SEMA3A: variants seen among roughly 807,000 people sequenced by gnomAD.
SEMA3A encodes semaphorin-3A.
A neutral mutation model predicts 97.9 loss-of-function variants in SEMA3A; 29 were observed. The observed-to-expected ratio is 0.30, with a 90% confidence interval of 0.22 to 0.40. The LOEUF is 0.40. Ranked by LOEUF, SEMA3A falls within the 10% of genes least tolerant of loss-of-function variation. The pLI is 1.00. For synonymous variants in SEMA3A, 321 were observed against 323.7 expected (o/e 0.99, Z 0.09); for missense variants, 763 against 951.3 (o/e 0.80, Z 2.60).
intron 3 of SEMA3A, among the ~76,000 whole-genome samples, chr7:84,283,615 G>A (rs1454926354): frequency 6.6e-6 from 1 of 151,564 alleles, no homozygotes; most frequent in Non-Finnish European, 1.5e-5. Context: ...TAGAAACAAA[G>A]TATCAAACTA....
chr7:84,232,010 G>GTA (rs200458302), intron 3 of SEMA3A, among the ~76,000 whole-genome samples: 2,099 of 151,414 alleles, frequency 0.014, 59 homozygotes, highest in East Asian at 0.12. Flanking sequence ...GTGTGTGTGT[G>GTA]TATATGTAAA....
chr7:84,206,540 T>C (rs1000147453), intron 3 of SEMA3A, among the ~76,000 whole-genome samples: 17 of 152,118 alleles, frequency 1.1e-4, no homozygotes, highest in African/African-American at 4.1e-4. Context: ...GCCAGGATGG[T>C]TGCGATCTCC....
At chr7:84,274,510 G>A (rs1449355838) in intron 3 of SEMA3A, among the ~76,000 whole-genome samples, 1 of 152,076 alleles carries the variant, frequency 6.6e-6, no homozygotes, top group Non-Finnish European at 1.5e-5. Context: ...TTAAGCATGG[G>A]CTAAGAGTGA....
intron 2 of SEMA3A, among the ~76,000 whole-genome samples, chr7:84,333,921 G>A (rs1014234942): frequency 5.3e-5 from 8 of 151,990 alleles, no homozygotes; most frequent in Non-Finnish European, 7.4e-5. Context: ...AAGAGATGTA[G>A]TTTTCACTTT....
Position 84,442,760 on chromosome 7 carries a change from C to T in SEMA3A, c.-246+49700G>A, listed in dbSNP as rs543449233. Among the ~76,000 whole-genome samples the T allele has an allele frequency of 1.3e-4, 20 of 151,738 alleles. No individual in the cohort carries two copies. The East Asian group carries it at 1.7e-3, about 13-fold the overall frequency. The stretch of plus-strand genomic sequence containing the variant: ...TTTGGATCCAAAGATTAAAATGGGT[C>T]GAAGAGAAAGATTATAAAAGGATAT... On this transcript the variant is annotated intron_variant, in intron 1 of 3. Coordinates refer to the SEMA3A transcript ENST00000424555.
chr7:84,326,659 G>A (rs1801781685), intron 2 of SEMA3A, among the ~76,000 whole-genome samples: 1 of 151,874 alleles, frequency 6.6e-6, no homozygotes, highest in African/African-American at 2.4e-5. Context: ...GGCTGTTACA[G>A]GCACAATATC....
At chr7:84,118,914 GT>G (rs58942593) in intron 3 of SEMA3A, among the ~76,000 whole-genome samples, 110,063 of 151,888 alleles carry the variant, frequency 0.72, 40,338 homozygotes, top group East Asian at 0.91. Flanking sequence ...CACACAGTTG[GT>G]CTCTGGTAAA....
chr7:84,011,445 T>A (rs1790868901), intron 7 of SEMA3A, 148 bp from the exon 8 acceptor site: 1 of 625,610 alleles, frequency 1.6e-6, no homozygotes, highest in South Asian at 2.1e-5. Flanking sequence ...CAGATATAGG[T>A]AACTATCACT....
chr7:84,094,565 C>T (rs994949383), intron 4 of SEMA3A, among the ~76,000 whole-genome samples: 13 of 152,048 alleles, frequency 8.5e-5, no homozygotes, highest in African/African-American at 3.1e-4. Context: ...TGCATGTCAT[C>T]TGCTAGATAT....
intron 1 of SEMA3A, among the ~76,000 whole-genome samples, chr7:84,389,121 C>CT (rs1803476765): frequency 6.6e-6 from 1 of 151,908 alleles, no homozygotes; most frequent in African/African-American, 2.4e-5. Context: ...TAGGAGAGTT[C>CT]TTTGCAAGGA....
intron 4 of SEMA3A, among the ~76,000 whole-genome samples, chr7:84,084,282 C>T (rs537748970): frequency 1.3e-5 from 2 of 152,054 alleles, no homozygotes; most frequent in East Asian, 3.9e-4. Context: ...GACTACCTGG[C>T]TATTGTTTTT....
intron 2 of SEMA3A, among the ~76,000 whole-genome samples, chr7:84,348,627 G>A (rs542902187): frequency 1.3e-5 from 2 of 152,098 alleles, no homozygotes; most frequent in Admixed American, 6.6e-5. Context: ...TCAGAATCTC[G>A]GTTCTATTTG....
intron 1 of SEMA3A, among the ~76,000 whole-genome samples, chr7:84,416,859 A>T (rs1251755474): frequency 6.6e-6 from 1 of 152,148 alleles, no homozygotes; most frequent in Non-Finnish European, 1.5e-5. Context: ...CAAAAGACAA[A>T]CTTTCAGAAG....
In SEMA3A at chr7:84,396,197, T is replaced by C. The variant is rs11771796; in HGVS notation, c.-245-24297A>G. ...CTAAATATACTTATGAATTTTGAGA[T>C]ATAATTATGAATTATGAAATTGTGA... On this transcript the variant is annotated intron_variant, in intron 1 of 3. Transcript: ENST00000424555. Among the ~76,000 whole-genome samples the C allele has an allele frequency of 2.4e-3, 371 of 152,158 alleles. 1 individual carries two copies. The highest frequency in any genetic ancestry group is 4.5e-3 in the Admixed American group (69 of 15,242).
At chr7:84,462,605 C>T (rs1805874248) in intron 1 of SEMA3A, among the ~76,000 whole-genome samples, 1 of 152,102 alleles carries the variant, frequency 6.6e-6, no homozygotes, top group African/African-American at 2.4e-5. Flanking sequence ...CTTAATTAGT[C>T]ATGTTCCTTA....
chr7:84,081,884 T>C lies in SEMA3A; in HGVS notation c.454-21326A>G, dbSNP rs183523431. On this transcript the variant is annotated intron_variant, in intron 4 of 16. Coordinates refer to ENST00000265362, the MANE Select transcript of SEMA3A (RefSeq NM_006080.3). ...TGTTATATTTATAATCTCTTACCTA[T>C]GCTCTTTTGTTTACAAATATTTAAA... Among the ~76,000 whole-genome samples the C allele has an allele frequency of 1.8e-4, 28 of 152,270 alleles. No individual in the cohort carries two copies. The East Asian group carries it at 5.0e-3, about 27-fold the overall frequency.
intron 2 of SEMA3A, among the ~76,000 whole-genome samples, chr7:84,319,469 T>A (rs1801594211): frequency 6.6e-6 from 1 of 152,020 alleles, no homozygotes; most frequent in Non-Finnish European, 1.5e-5. Flanking sequence ...TTTCCTTAAC[T>A]TCATCAGTAA....
At chr7:84,398,649 T>A (rs1313670871) in intron 1 of SEMA3A, among the ~76,000 whole-genome samples, 2 of 150,978 alleles carry the variant, frequency 1.3e-5, no homozygotes, top group Non-Finnish European at 3.0e-5. Flanking sequence ...TATAATTTTT[T>A]TTGTTTTAAT....
At chr7:84,015,850 G>A (rs1403693715) in intron 6 of SEMA3A, among the ~76,000 whole-genome samples, 1 of 152,162 alleles carries the variant, frequency 6.6e-6, no homozygotes, top group East Asian at 1.9e-4. Context: ...AAATTATACA[G>A]ATTCTGGAAA....
Sources: allele counts gnomAD v4.1 joint callset (sites outside exome capture counted in the v4.1 genomes callset), GRCh38; gene constraint gnomAD v4.1.1; transcripts MANE v1.5; gene names NCBI Gene and HGNC (gene_info 2026-07-23, HGNC 2026-07-21).